Variants in PLCB4 observed in about 807,000 individuals in gnomAD.
PLCB4 encodes phospholipase C beta 4, also known as 1-phosphatidylinositol 4,5-bisphosphate phosphodiesterase beta-4.
In PLCB4, 77 loss-of-function variants were observed where a neutral mutation model predicts 178.8. That is an observed-to-expected ratio of 0.43 (90% CI 0.36 to 0.52). The LOEUF (loss-of-function observed/expected upper bound fraction) is 0.52, where lower values mean the gene tolerates loss of function less well. Ranked by LOEUF, PLCB4 falls within the 20% of genes least tolerant of loss-of-function variation. The probability of loss-of-function intolerance (pLI) is 0.00; values close to 1 mark genes in which losing one functional copy is unlikely to be tolerated. For missense variants in PLCB4, 1,024 were observed against 1,453.4 expected (o/e 0.70, Z 4.80); for synonymous variants, 496 against 490.8 (o/e 1.01, Z -0.14).
chr20:9,193,617 G>A lies in PLCB4; in HGVS notation c.-78-23773G>A, dbSNP rs1360639698. 2.0e-5 allele frequency among the ~76,000 whole-genome samples: 3 copies of A among 152,148 alleles called. No homozygotes were observed. In the East Asian group the frequency reaches 5.8e-4, roughly 29 times the overall value. ...GCCACCATTTTGAATAGATTGGTAG[G>A]ACAGAGCTTTCTGAAGAGGTGACTC... On this transcript the variant is annotated intron_variant, in intron 2 of 39. Transcript: ENST00000378473.
At chr20:9,332,932 C>T (rs2031905977) in intron 4 of PLCB4, among the ~76,000 whole-genome samples, 1 of 152,154 alleles carries the variant, frequency 6.6e-6, no homozygotes, top group Non-Finnish European at 1.5e-5. Context: ...GCCTCAAAGT[C>T]ACCCCCAACC....
At chr20:9,344,152 C>T (rs1019548533) in intron 7 of PLCB4, among the ~76,000 whole-genome samples, 1 of 152,192 alleles carries the variant, frequency 6.6e-6, no homozygotes, top group Non-Finnish European at 1.5e-5. Context: ...CCCTTTCTAC[C>T]TTAATCTCTC....
chr20:9,090,122 T>C (rs971614396), intron 1 of PLCB4, among the ~76,000 whole-genome samples: 12 of 152,120 alleles, frequency 7.9e-5, no homozygotes, highest in South Asian at 6.2e-4. Context: ...AAGCCTGTTT[T>C]TTAAAATCAT....
intron 3 of PLCB4, among the ~76,000 whole-genome samples, chr20:9,241,641 A>G (rs897952470): frequency 3.9e-5 from 6 of 152,178 alleles, no homozygotes; most frequent in Middle Eastern, 3.2e-3. Context: ...AGCCAAGGGT[A>G]TAACCTGCAG....
intron 2 of PLCB4, among the ~76,000 whole-genome samples, chr20:9,215,447 T>C (rs1173716221): frequency 2.0e-5 from 3 of 152,070 alleles, no homozygotes; most frequent in African/African-American, 7.2e-5. Flanking sequence ...AGTACATACA[T>C]TTTTGAGTTT....
intron 4 of PLCB4, among the ~76,000 whole-genome samples, chr20:9,325,142 T>C (rs1228590934): frequency 2.0e-5 from 3 of 152,256 alleles, no homozygotes; most frequent in South Asian, 2.1e-4. Context: ...GAAGAACTTA[T>C]CAGTTTGCGG....
chr20:9,391,038 A>T (rs2038097004), intron 17 of PLCB4, among the ~76,000 whole-genome samples: 1 of 152,144 alleles, frequency 6.6e-6, no homozygotes, highest in African/African-American at 2.4e-5. Context: ...TGAACTGTAT[A>T]TGCACCCGGT....
chr20:9,335,226 A>G (rs2032281144), intron 4 of PLCB4, among the ~76,000 whole-genome samples: 1 of 152,144 alleles, frequency 6.6e-6, no homozygotes, highest in Admixed American at 6.6e-5. Context: ...TTTTTTAGTC[A>G]GTAACAACAT....
At chr20:9,373,990 T>C (rs1382009329) in intron 12 of PLCB4, among the ~76,000 whole-genome samples, 1 of 152,160 alleles carries the variant, frequency 6.6e-6, no homozygotes, top group East Asian at 1.9e-4. Context: ...AAGTTAATCA[T>C]TATACCATAT....
chr20:9,449,736 G>C (rs1424757914), intron 32 of PLCB4, among the ~76,000 whole-genome samples: 1 of 152,148 alleles, frequency 6.6e-6, no homozygotes, highest in African/African-American at 2.4e-5. Context: ...GGCATTTTTA[G>C]TAAAGCTACT....
intron 25 of PLCB4, among the ~76,000 whole-genome samples, chr20:9,411,499 C>T (rs1300202401): frequency 1.3e-5 from 2 of 152,050 alleles, no homozygotes; most frequent in Admixed American, 6.6e-5. Context: ...TTGTGGGTGT[C>T]GAGCTGAATT....
chr20:9,414,273 C>T (rs542586143), intron 25 of PLCB4, among the ~76,000 whole-genome samples: 13 of 152,202 alleles, frequency 8.5e-5, no homozygotes, highest in African/African-American at 3.1e-4. Context: ...AATTCCCCTT[C>T]CCATACACCC....
chr20:9,090,510 GT>G (rs1317147922), intron 1 of PLCB4, among the ~76,000 whole-genome samples: 4 of 96,368 alleles, frequency 4.2e-5, no homozygotes, highest in East Asian at 2.4e-4. Context: ...CATTTTTAGT[GT>G]GTTTTTTTTT....
At chr20:9,262,173 C>G (rs773577705) in intron 3 of PLCB4, among the ~76,000 whole-genome samples, 2 of 152,000 alleles carry the variant, frequency 1.3e-5, no homozygotes, top group Non-Finnish European at 2.9e-5. Context: ...ATATGGGGAC[C>G]CAAGAACGAG....
intron 10 of PLCB4, among the ~76,000 whole-genome samples, chr20:9,371,573 C>T (rs2036257603): frequency 6.6e-6 from 1 of 152,002 alleles, no homozygotes; most frequent in Non-Finnish European, 1.5e-5. Flanking sequence ...TGATTTTTGT[C>T]ACCTTTCTTA....
At chr20:9,073,144 C>T (rs1264810827) in intron 1 of PLCB4, among the ~76,000 whole-genome samples, 2 of 152,104 alleles carry the variant, frequency 1.3e-5, no homozygotes, top group Admixed American at 6.5e-5. Context: ...CTTGTCCTCC[C>T]GAACAATTAA....
intron 2 of PLCB4, among the ~76,000 whole-genome samples, chr20:9,115,829 T>G (rs192539580): frequency 6.6e-6 from 1 of 152,192 alleles, no homozygotes; most frequent in East Asian, 1.9e-4. Context: ...AAAGTTTATC[T>G]TAAATTATTT....
chr20:9,097,017 C>T (rs1351631277), intron 2 of PLCB4, among the ~76,000 whole-genome samples: 2 of 152,018 alleles, frequency 1.3e-5, no homozygotes, highest in Admixed American at 6.6e-5. Context: ...TCACTGCAAC[C>T]TCTGTCTCCT....
intron 3 of PLCB4, among the ~76,000 whole-genome samples, chr20:9,222,097 TTTTATTTTA>T: frequency 8.8e-6 from 1 of 114,070 alleles, no homozygotes; most frequent in African/African-American, 4.4e-5. Flanking sequence ...TTTTATTTTA[TTTTATTTTA>T]TTTTGACAGG....
Sources: gnomAD v4.1 joint callset for allele counts (sites outside exome capture counted in the v4.1 genomes callset) on GRCh38, gnomAD v4.1.1 for gene constraint, MANE v1.5 for transcripts, NCBI Gene and HGNC (gene_info 2026-07-23, HGNC 2026-07-21) for gene names.